Variants in NRCAM observed in about 807,000 individuals in gnomAD.
The protein encoded by NRCAM is neuronal cell adhesion molecule.
A neutral mutation model predicts 156.5 loss-of-function variants in NRCAM; 83 were observed. The ratio of observed to expected loss-of-function variants is 0.53; its 90% CI spans 0.44 to 0.64. The LOEUF (loss-of-function observed/expected upper bound fraction) is 0.64, where lower values mean the gene tolerates loss of function less well. NRCAM is among the 30% of genes least tolerant of loss of function. The pLI, the probability that NRCAM is intolerant of heterozygous loss-of-function variation, is 0.00. For missense variants in NRCAM, 1,417 were observed against 1,597.3 expected, an observed-to-expected ratio of 0.89 and a Z score of 1.92; for synonymous variants, 538 against 563.9, an observed-to-expected ratio of 0.95 and a Z score of 0.65.
At chr7:108,166,844 G>GC in intron 30 of NRCAM, 77 bp downstream of exon 30, 2 of 1,384,446 alleles carry the variant, frequency 1.4e-6, no homozygotes, top group South Asian at 1.3e-5. Flanking sequence ...AGCTCCACCA[G>GC]CCCCCATCTC....
At chr7:108,431,940 A>T (rs1825746924) in intron 1 of NRCAM, among the ~76,000 whole-genome samples, 1 of 152,260 alleles carries the variant, frequency 6.6e-6, no homozygotes, top group Non-Finnish European at 1.5e-5. Context: ...TTGTGAGTCA[A>T]GCTGTTTTAA....
In NRCAM at chr7:108,189,682, T is replaced by C; in HGVS notation, c.1998A>G (p.Ser666=). 1 of 1,552,220 alleles carries C rather than the reference T, an allele frequency of 6.4e-7. No homozygotes were observed. The highest frequency in any genetic ancestry group is 8.9e-7 in the Non-Finnish European group (1 of 1,125,836). The change falls in exon 20 of 33, where the codon TCA becomes TCG. Residue 666 remains serine (S), a synonymous_variant. Coordinates refer to ENST00000379028, the MANE Select transcript of NRCAM (RefSeq NM_001037132.4). ...TATTGTTGTCATCGCCTGGGGTCCA[T>C]GACAGCTGAACACTTTTGTCAAGTT... is the stretch of plus-strand genomic sequence containing the variant. ...TDQLDKSVQL[S]WTPGDDNNSP... is the part of the protein sequence containing the mutation.
rs1165644085 is a variant in NRCAM, at chr7:108,195,812, G to C, written c.1412C>G (p.Pro471Arg). The C allele has an allele frequency of 4.3e-6, 7 of 1,613,728 alleles. No homozygotes were observed. The highest frequency in any genetic ancestry group is 5.9e-6 in the Non-Finnish European group (7 of 1,179,770). The change falls in exon 15 of 33, where the codon CCT becomes CGT. Residue 471 changes from proline to arginine, a missense_variant. Transcript: ENST00000379028. The part of the protein sequence containing the change: ...NTLYQVIANR[P>R]ALLDCAFFGS... The stretch of plus-strand genomic sequence containing the variant: ...AAAGAAGGCACAGTCTAGTAAAGCA[G>C]GCCTGTTTGCAATGACCTGGTAGAG...
At chr7:108,185,725 AG>A (rs2066301539) in intron 20 of NRCAM, among the ~76,000 whole-genome samples, 1 of 125,446 alleles carries the variant, frequency 8.0e-6, no homozygotes, top group Non-Finnish European at 1.7e-5. Context: ...CAAAAAAGAG[AG>A]AGAGAGAGGA....
intron 1 of NRCAM, among the ~76,000 whole-genome samples, chr7:108,435,461 A>G (rs1249308000): frequency 1.3e-5 from 2 of 152,160 alleles, no homozygotes; most frequent in African/African-American, 4.8e-5. Context: ...CCAAAAGCAG[A>G]GGAGAGGGGG....
chr7:108,253,228 C>A (rs141566007), intron 3 of NRCAM, among the ~76,000 whole-genome samples: 1 of 152,300 alleles, frequency 6.6e-6, no homozygotes, highest in Non-Finnish European at 1.5e-5. Context: ...CAAAGCTGGG[C>A]TTGGGAGCAG....
chr7:108,159,163 T>A, intron 32 of NRCAM: 2 of 508,410 alleles, frequency 3.9e-6, no homozygotes, highest in Non-Finnish European at 7.3e-6. Flanking sequence ...GTTTTAATGC[T>A]CATAGTAGCA....
At chr7:108,424,793 G>A (rs1391653194) in intron 1 of NRCAM, among the ~76,000 whole-genome samples, 1 of 146,792 alleles carries the variant, frequency 6.8e-6, no homozygotes, top group Non-Finnish European at 1.5e-5. Context: ...TGTTATTTTT[G>A]AGCAGCAATA....
chr7:108,185,356 T>C (rs565998209), intron 20 of NRCAM, among the ~76,000 whole-genome samples: 9 of 152,282 alleles, frequency 5.9e-5, no homozygotes, highest in East Asian at 3.9e-4. Context: ...AACAACCTAA[T>C]TGCAAACAAC....
At chr7:108,421,962 G>A (rs1810522979) in intron 1 of NRCAM, among the ~76,000 whole-genome samples, 1 of 152,150 alleles carries the variant, frequency 6.6e-6, no homozygotes, top group Non-Finnish European at 1.5e-5. Context: ...CCACTAAAAC[G>A]AAGGTATGTT....
intron 3 of NRCAM, among the ~76,000 whole-genome samples, chr7:108,264,347 T>G (rs80343182): frequency 6.6e-6 from 1 of 152,234 alleles, no homozygotes. Flanking sequence ...TAATGCTGCA[T>G]TATTTTATTT....
Position 108,234,641 on chromosome 7 carries a change from T to C in NRCAM, c.172A>G (p.Ile58Val). Reference protein sequence around the residue: ...ITQQSPKDYIIDPRENIVIQC... With the variant: ...ITQQSPKDYIVDPRENIVIQC... ...ATTACAATATTCTCCCGAGGGTCAATAATGTAATCTTTTGGAGACTGTTGG... is the reference window on the plus strand; with the variant it reads ...ATTACAATATTCTCCCGAGGGTCAACAATGTAATCTTTTGGAGACTGTTGG... The change falls in exon 6 of 33, where the codon ATT (isoleucine) becomes GTT (valine). Residue 58 changes from isoleucine to valine, a missense_variant. By Grantham distance (29) the Ile-to-Val change is conservative. Coordinates refer to ENST00000379028, the MANE Select transcript of NRCAM (RefSeq NM_001037132.4). 2 of 1,613,160 alleles carry C rather than the reference T, an allele frequency of 1.2e-6. No homozygotes were observed. The highest frequency in any genetic ancestry group is 1.7e-6 in the Non-Finnish European group (2 of 1,179,358).
At position 108,446,790 on chromosome 7, in the gene NRCAM, T is replaced by C. The variant is rs942649670; in HGVS notation, c.-332+9453A>G. The stretch of plus-strand genomic sequence containing the variant: ...TTGCCCAGGCTGTAGTGCAAGTGCA[T>C]GATCACAGCTCACTGCAACCTTCGC... On this transcript the variant is annotated intron_variant, in intron 1 of 32. Transcript: ENST00000379028. Among the ~76,000 whole-genome samples, 44 of 151,092 alleles carry C rather than the reference T, an allele frequency of 2.9e-4. 1 individual carries two copies. The highest frequency in any genetic ancestry group is 1.0e-3 in the African/African-American group (43 of 41,062).
At position 108,200,737 on chromosome 7, in the gene NRCAM, TACACACACACACAC is replaced by T. The variant is rs61489479; in HGVS notation, c.1208-2652_1208-2639del. ...ATCAATCAATGAGTGGATAAAGAAA[TACACACACACACAC>T]ACACACACACACACACACACACACA... On this transcript the variant is annotated intron_variant, in intron 13 of 32. Coordinates refer to ENST00000379028, the MANE Select transcript of NRCAM (RefSeq NM_001037132.4). Among the ~76,000 whole-genome samples, 350 of 135,066 alleles carry T rather than the reference TACACACACACACAC, an allele frequency of 2.6e-3. 2 individuals carry two copies. Among genetic ancestry groups the T allele is most frequent in the East Asian group, 0.015 (66 of 4,406 alleles). 88.6% of individuals were successfully genotyped at this position (135,066 alleles called of 152,430 possible). A position where few individuals can be genotyped will look rare whatever the true frequency, so the allele number is the denominator to read the frequency against.
intron 1 of NRCAM, among the ~76,000 whole-genome samples, chr7:108,423,394 G>C (rs1360792462): frequency 6.6e-6 from 1 of 152,058 alleles, no homozygotes; most frequent in African/African-American, 2.4e-5. Context: ...CAAAAGTGGG[G>C]ATGGGGGTGG....
Position 108,178,058 on chromosome 7 carries a change from G to C in NRCAM, c.2906C>G (p.Thr969Ser). Residue 969 changes from threonine (T) to serine (S), a missense_variant, in exon 26 of 33, where the codon ACT (threonine) becomes AGT (serine). Physicochemically the swap from Thr to Ser is moderately conservative, Grantham distance 58 (BLOSUM62 1). This residue lies in a region of NRCAM where 1,238 missense variants were observed against 1,336.4 expected (regional missense o/e 0.93). Coordinates refer to ENST00000379028, the MANE Select transcript of NRCAM (RefSeq NM_001037132.4). Reference protein sequence around the residue: ...KIVNPTLDSLTLEWDPPSHPN... With the variant: ...KIVNPTLDSLSLEWDPPSHPN... Reference sequence around the variant, plus strand: ...GTGGCTCGGTGGATCCCATTCCAAAGTGAGAGAGTCCAGTGTTGGATTCAC... The same window carrying C: ...GTGGCTCGGTGGATCCCATTCCAAACTGAGAGAGTCCAGTGTTGGATTCAC... 6.2e-7 allele frequency: 1 copy of C among 1,613,784 alleles called. No homozygotes were observed. The highest frequency in any genetic ancestry group is 8.5e-7 in the Non-Finnish European group (1 of 1,179,748).
At position 108,160,409 on chromosome 7, in the gene NRCAM, A is replaced by G; in HGVS notation, c.3550T>C (p.Leu1184=). 6.2e-7 allele frequency: 1 copy of G among 1,613,746 alleles called. No individual in the cohort carries two copies. The highest frequency in any genetic ancestry group is 8.5e-7 in the Non-Finnish European group (1 of 1,179,726). The change falls in exon 31 of 33, where the codon TTG becomes CTG. Residue 1184 remains leucine (L), a synonymous_variant. Transcript: ENST00000379028. ...MCAVALLILI[L]LIVCFIRRNK... ...CTTCTGATGAAGCAAACAATCAGCA[A>G]AATTAAGATAAGGAGAGCAACAGCA... is the stretch of plus-strand genomic sequence containing the variant.
chr7:108,384,293 C>T (rs928947725), intron 2 of NRCAM, among the ~76,000 whole-genome samples: 3 of 151,786 alleles, frequency 2.0e-5, no homozygotes, highest in Non-Finnish European at 4.4e-5. Context: ...GAGGAGAGAA[C>T]CCTTGATCCA....
At chr7:108,416,656 G>A (rs908910596) in intron 1 of NRCAM, among the ~76,000 whole-genome samples, 1 of 152,148 alleles carries the variant, frequency 6.6e-6, no homozygotes, top group Non-Finnish European at 1.5e-5. Context: ...TTTATAGTAT[G>A]CTTTTCAAGA....
Sources: gnomAD v4.1 joint callset for allele counts (sites outside exome capture counted in the v4.1 genomes callset) on GRCh38, gnomAD v4.1.1 for gene constraint, gnomAD v4.1.1 regional missense constraint, MANE v1.5 for transcripts, NCBI Gene and HGNC (gene_info 2026-07-23, HGNC 2026-07-21) for gene names.